MINAR1: variants seen among roughly 807,000 people sequenced by gnomAD.
The protein encoded by MINAR1 is major intrinsically disordered Notch2-binding receptor 1.
In MINAR1, 40 loss-of-function variants were observed where a neutral mutation model predicts 65.1. That is an observed-to-expected ratio of 0.61 (90% CI 0.48 to 0.80). The LOEUF is 0.80. Among genes scored for constraint, MINAR1 ranks in the 30% least tolerant of loss-of-function variants. The pLI, the probability that MINAR1 is intolerant of heterozygous loss-of-function variation, is 0.00. For missense variants in MINAR1, 1,128 were observed against 1,148.0 expected, an observed-to-expected ratio of 0.98 and a Z score of 0.25; for synonymous variants, 482 against 449.1, an observed-to-expected ratio of 1.07 and a Z score of -0.93.
intron 1 of MINAR1, among the ~76,000 whole-genome samples, chr15:79,439,632 G>C (rs1869430825): frequency 6.6e-6 from 1 of 151,788 alleles, no homozygotes; most frequent in Non-Finnish European, 1.5e-5. Context: ...TCGGAGCGCT[G>C]ACTGCCCTGT....
chr15:79,420,489 T>C, the MINAR1 span: 1 of 152,210 alleles, frequency 6.6e-6, no homozygotes, highest in African/African-American at 2.4e-5. Flanking sequence ...GGGGGAAACT[T>C]GGTGGTCCCT....
the MINAR1 span, chr15:79,419,722 T>C: frequency 6.6e-6 from 1 of 152,162 alleles, no homozygotes; most frequent in African/African-American, 2.4e-5. Flanking sequence ...ATAGAATGAC[T>C]AGAATCAAAG....
At chr15:79,414,570 G>A in the MINAR1 span, 1 of 152,208 alleles carries the variant, frequency 6.6e-6, no homozygotes, top group Non-Finnish European at 1.5e-5. Flanking sequence ...GCTGAGTTTT[G>A]ATGGCTAAAT....
intron 1 of MINAR1, among the ~76,000 whole-genome samples, chr15:79,441,961 T>C (rs2141280943): frequency 6.6e-6 from 1 of 152,228 alleles, no homozygotes; most frequent in East Asian, 1.9e-4. Flanking sequence ...ATTTGTTTCT[T>C]TGAATTGTTC....
chr15:79,445,553 T>A (rs1355834893), intron 1 of MINAR1, among the ~76,000 whole-genome samples: 1 of 150,826 alleles, frequency 6.6e-6, no homozygotes, highest in Non-Finnish European at 1.5e-5. Flanking sequence ...GACAGTTATT[T>A]TTTTTTTTTT....
upstream of MINAR1, among the ~76,000 whole-genome samples, chr15:79,427,804 A>T (rs1369346810): frequency 1.3e-5 from 2 of 152,078 alleles, no homozygotes; most frequent in Non-Finnish European, 2.9e-5. Flanking sequence ...GATCTAAAAA[A>T]CTCTGGGTTC....
upstream of MINAR1, among the ~76,000 whole-genome samples, chr15:79,428,175 T>C (rs1309968334): frequency 6.9e-5 from 10 of 145,080 alleles, no homozygotes; most frequent in African/African-American, 2.3e-4. Context: ...CCTCCTTCCT[T>C]CCTCCCTCCC....
At position 79,468,188 on chromosome 15, in the gene MINAR1, C is replaced by T. The variant is rs140151474; in HGVS notation, c.2555C>T (p.Thr852Met). ...KGKLTALDLQ[T>M]QESLNPNNLE... ...CTAACATCTTCTCTTCGCTTTTAGACGCAAGAATCTTTAAACCCAAATAAT... is the reference window on the plus strand; with the variant it reads ...CTAACATCTTCTCTTCGCTTTTAGATGCAAGAATCTTTAAACCCAAATAAT... The change falls in exon 4 of 4, where the codon ACG becomes ATG. Residue 852 changes from threonine (T) to methionine (M), a missense_variant and splice_region_variant. Coordinates refer to ENST00000305428, the MANE Select transcript of MINAR1 (RefSeq NM_015206.3). 4.5e-3 allele frequency: 7,303 copies of T among 1,611,938 alleles called. 22 individuals are homozygous for T. Among genetic ancestry groups the T allele is most frequent in the Middle Eastern group, 6.3e-3 (38 of 6,058 alleles).
At chr15:79,421,541 G>C in the MINAR1 span, 1 of 152,240 alleles carries the variant, frequency 6.6e-6, no homozygotes, top group South Asian at 2.1e-4. Context: ...AGACACAGCA[G>C]TCAAGCTCCA....
At chr15:79,435,029 C>T (rs1238135581) in intron 1 of MINAR1, among the ~76,000 whole-genome samples, 1 of 152,182 alleles carries the variant, frequency 6.6e-6, no homozygotes, top group Non-Finnish European at 1.5e-5. Flanking sequence ...AATCCCAGCA[C>T]TTTAGGAGGC....
At position 79,465,342 on chromosome 15, in the gene MINAR1, T is replaced by C. The variant is rs568242609; in HGVS notation, c.2553+2021T>C. ...TCTGGACAATCTTCCCGGAGTTCCT[T>C]TGTGTTGAGATATACATTCACCATC... is the stretch of plus-strand genomic sequence containing the variant. On this transcript the variant is annotated intron_variant, in intron 3 of 3. Transcript: ENST00000305428. Among the ~76,000 whole-genome samples the C allele has an allele frequency of 4.6e-5, 7 of 152,260 alleles. No individual in the cohort carries two copies. In the South Asian group the frequency reaches 1.5e-3, roughly 32 times the overall value.
chr15:79,464,396 T>C (rs1407204105), intron 3 of MINAR1, among the ~76,000 whole-genome samples: 1 of 152,226 alleles, frequency 6.6e-6, no homozygotes, highest in African/African-American at 2.4e-5. Context: ...TTTTACAGTC[T>C]CTCAGTTCCA....
intron 2 of MINAR1, among the ~76,000 whole-genome samples, chr15:79,462,190 C>A (rs1306897873): frequency 1.3e-5 from 2 of 152,070 alleles, no homozygotes; most frequent in African/African-American, 4.8e-5. Context: ...AAAAGGTGAA[C>A]AAAATGATCC....
chr15:79,456,933 GGATTTTCACAATTTGATGGCA>G lies in MINAR1; in HGVS notation c.788_808del (p.Asp263_Ala269del). The G allele has an allele frequency of 6.8e-6, 11 of 1,614,176 alleles. No homozygotes were observed. The highest frequency in any genetic ancestry group is 8.5e-6 in the Non-Finnish European group (10 of 1,180,038). On this transcript the variant is annotated inframe_deletion, in exon 2 of 4. Transcript: ENST00000305428. ...TCCAGAAAAGGAATATCTTCAAAGA[GGATTTTCACAATTTGATGGCA>G]GTGTCCCCCAGTTTGGTTGGCCCCA...
rs766667683 is a variant in MINAR1, at chr15:79,457,484, T to C, written c.1337T>C (p.Leu446Pro). 14 of 1,614,136 alleles carry C rather than the reference T, an allele frequency of 8.7e-6. No homozygotes were observed. The highest frequency in any genetic ancestry group is 1.6e-4 in the Middle Eastern group (1 of 6,062). Reference sequence around the variant, plus strand: ...AAAGAGATCTCATCCCCTGTTGACCTGGAGAAGCATGAACCAGTCAAAAAG... The same window carrying C: ...AAAGAGATCTCATCCCCTGTTGACCCGGAGAAGCATGAACCAGTCAAAAAG... The part of the protein sequence containing the change: ...KSKEISSPVD[L>P]EKHEPVKKFK... Residue 446 changes from leucine (L) to proline (P), a missense_variant, in exon 2 of 4, where the codon CTG becomes CCG. Transcript: ENST00000305428.
chr15:79,448,210 T>G (rs1895074838), intron 1 of MINAR1, among the ~76,000 whole-genome samples: 2 of 152,210 alleles, frequency 1.3e-5, no homozygotes, highest in Non-Finnish European at 2.9e-5. Flanking sequence ...GATCTGGAAA[T>G]TGCTTCATAA....
chr15:79,425,032 GTT>G, the MINAR1 span: 1 of 141,822 alleles, frequency 7.1e-6, no homozygotes, highest in Non-Finnish European at 1.6e-5. Flanking sequence ...TCTTTTGTTT[GTT>G]TGTGTTTTTT....
chr15:79,456,015 G>T, intron 1 of MINAR1, 83 bp from the exon 2 acceptor site: 7 of 731,976 alleles, frequency 9.6e-6, no homozygotes, highest in South Asian at 4.2e-5. Context: ...TTCTTTATAT[G>T]GTTTATAAGG....
intron 3 of MINAR1, 152 bp downstream of exon 3, chr15:79,463,473 C>T (rs1306906836): frequency 1.1e-6 from 1 of 886,750 alleles, no homozygotes; most frequent in South Asian, 1.7e-5. Context: ...TTTAATAAAT[C>T]ATAGAGCAGA....
Sources: allele counts gnomAD v4.1 joint callset (sites outside exome capture counted in the v4.1 genomes callset), GRCh38; gene constraint gnomAD v4.1.1; transcripts MANE v1.5; gene names NCBI Gene and HGNC (gene_info 2026-07-23, HGNC 2026-07-21).